The following DGKI variants were observed in gnomAD, a reference collection of about 807,000 sequenced individuals.
DGKI encodes the protein diacylglycerol kinase iota, also known as DAG kinase iota.
In DGKI, 55 loss-of-function variants were observed where a neutral mutation model predicts 147.5. That is an observed-to-expected ratio of 0.37 (90% CI 0.30 to 0.47). DGKI has a LOEUF of 0.47. Among genes scored for constraint, DGKI ranks in the 20% least tolerant of loss-of-function variants. The pLI is 1.00. For missense variants in DGKI, 1,007 were observed against 1,323.8 expected, an observed-to-expected ratio of 0.76 and a Z score of 3.71; for synonymous variants, 469 against 477.1, an observed-to-expected ratio of 0.98 and a Z score of 0.22.
rs139918419 is a variant in DGKI, at chr7:137,840,141, A to G, written c.401+6321T>C. Among the ~76,000 whole-genome samples, 898 of 152,360 alleles carry G rather than the reference A, an allele frequency of 5.9e-3. 8 individuals carry two copies. Among genetic ancestry groups the G allele is most frequent in the African/African-American group, 0.02 (848 of 41,582 alleles). On this transcript the variant is annotated intron_variant, in intron 1 of 32. Coordinates refer to ENST00000614521, the MANE Select transcript of DGKI (RefSeq NM_001321708.2). ...ATGGGTGTCAGGACACTCGTGAGCC[A>G]TTCTTCAAGTGCTCTGTATGGTACA...
At chr7:137,630,749 G>A (rs2129001638) in intron 6 of DGKI, among the ~76,000 whole-genome samples, 1 of 152,146 alleles carries the variant, frequency 6.6e-6, no homozygotes, top group South Asian at 2.1e-4. Context: ...TTTTCAGATA[G>A]TTAGTGCTAT....
intron 23 of DGKI, among the ~76,000 whole-genome samples, chr7:137,481,800 G>A (rs574131199): frequency 1.3e-5 from 2 of 151,972 alleles, no homozygotes; most frequent in Non-Finnish European, 2.9e-5. Context: ...GATTTTTCTG[G>A]TCTTAGAAAA....
chr7:137,407,835 C>T, intron 30 of DGKI, 40 bp downstream of exon 30: 1 of 1,605,450 alleles, frequency 6.2e-7, no homozygotes. Context: ...ATGGATTTCA[C>T]AGGTAAGTGA....
At chr7:137,431,458 C>G (rs1813068922) in intron 28 of DGKI, among the ~76,000 whole-genome samples, 1 of 152,144 alleles carries the variant, frequency 6.6e-6, no homozygotes, top group African/African-American at 2.4e-5. Flanking sequence ...AATGTGGAAG[C>G]TGCCTGCCTG....
chr7:137,571,299 A>T lies in DGKI; in HGVS notation c.1836-13T>A, dbSNP rs750199343. 1 of 1,586,670 alleles carries T rather than the reference A, an allele frequency of 6.3e-7. No individual in the cohort carries two copies. The highest frequency in any genetic ancestry group is 8.6e-7 in the Non-Finnish European group (1 of 1,157,920). On this transcript the variant is annotated splice_polypyrimidine_tract_variant and intron_variant, in intron 18 of 32. Coordinates refer to ENST00000614521, the MANE Select transcript of DGKI (RefSeq NM_001321708.2). ...GCCAGCACAATATCTGCAAGAGAAG[A>T]TTAAAGACAGAAGTAAATATGTCCC...
At chr7:137,803,578 A>G (rs945394080) in intron 1 of DGKI, among the ~76,000 whole-genome samples, 1 of 152,184 alleles carries the variant, frequency 6.6e-6, no homozygotes, top group African/African-American at 2.4e-5. Flanking sequence ...TTTCACATTT[A>G]TATACAGGCA....
At position 137,702,144 on chromosome 7, in the gene DGKI, C is replaced by T. The variant is rs1018648441; in HGVS notation, c.402-12142G>A. On this transcript the variant is annotated intron_variant, in intron 1 of 32. Coordinates refer to ENST00000614521, the MANE Select transcript of DGKI (RefSeq NM_001321708.2). ...CCTATCTCACATTATACAGATAATA[C>T]ATCAAGAAGGATCACAGATAGAAAC... Among the ~76,000 whole-genome samples the T allele has an allele frequency of 3.3e-5, 5 of 152,106 alleles. No individual in the cohort carries two copies. The South Asian group carries it at 1.0e-3, about 32-fold the overall frequency.
intron 28 of DGKI, among the ~76,000 whole-genome samples, chr7:137,437,180 A>T (rs1813318810): frequency 6.6e-6 from 1 of 152,230 alleles, no homozygotes; most frequent in South Asian, 2.1e-4. Context: ...AAATATGTAT[A>T]CAAAGCATAA....
intron 30 of DGKI, among the ~76,000 whole-genome samples, chr7:137,407,120 C>T (rs566304133): frequency 1.3e-5 from 2 of 152,192 alleles, no homozygotes; most frequent in Non-Finnish European, 2.9e-5. Context: ...TCATTTAAAA[C>T]AGACTAGCTA....
intron 5 of DGKI, among the ~76,000 whole-genome samples, chr7:137,652,230 A>G (rs1370548840): frequency 6.6e-6 from 1 of 152,222 alleles, no homozygotes; most frequent in Non-Finnish European, 1.5e-5. Context: ...AGTCCTTGAT[A>G]AGAAGACAAG....
chr7:137,530,195 A>T (rs1439409419), intron 20 of DGKI, among the ~76,000 whole-genome samples: 3 of 152,148 alleles, frequency 2.0e-5, no homozygotes, highest in Non-Finnish European at 4.4e-5. Context: ...TGCATATTAA[A>T]TTCACCTGAC....
In DGKI at chr7:137,779,762, G is replaced by A. The variant is rs146153024; in HGVS notation, c.401+66700C>T. On this transcript the variant is annotated intron_variant, in intron 1 of 32. Coordinates refer to ENST00000614521, the MANE Select transcript of DGKI (RefSeq NM_001321708.2). ...TACTTAAAATAAAGTCTATAAATTCGTCATTATAATAGAGTGGGGAGTGGG... is the reference window on the plus strand; with the variant it reads ...TACTTAAAATAAAGTCTATAAATTCATCATTATAATAGAGTGGGGAGTGGG... Among the ~76,000 whole-genome samples, 705 of 152,196 alleles carry A rather than the reference G, an allele frequency of 4.6e-3. 7 individuals carry two copies. The highest frequency in any genetic ancestry group is 0.016 in the African/African-American group (659 of 41,550).
chr7:137,466,941 T>A lies in DGKI; in HGVS notation c.2445A>T (p.Ala815=), dbSNP rs374672563. 219 of 1,614,150 alleles carry A rather than the reference T, an allele frequency of 1.4e-4. 1 individual carries two copies. In the African/African-American group the frequency reaches 2.7e-3, roughly 20 times the overall value. Residue 815 remains alanine (A), a splice_region_variant and synonymous_variant, in exon 25 of 33, where the codon GCA becomes GCT. Coordinates refer to ENST00000614521, the MANE Select transcript of DGKI (RefSeq NM_001321708.2). ...RLSPRWCFLD[A]TSADRFYRID... ...TTCGATAAAAGCGATCAGCAGAAGT[T>A]GCTAGGGGAAAAAAAATGCAGATGG... is the stretch of plus-strand genomic sequence containing the variant.
In DGKI at chr7:137,390,754, AC is replaced by A. The variant is rs1171350330; in HGVS notation, c.*465del. 6.3e-6 allele frequency: 1 copy of A among 158,730 alleles called. No individual in the cohort carries two copies. Among genetic ancestry groups the A allele is most frequent in the Non-Finnish European group, 1.4e-5 (1 of 71,492 alleles). The allele number at this position is 158,730 out of a possible 1,614,324, so 9.8% of individuals were successfully genotyped here. A position where few individuals can be genotyped will look rare whatever the true frequency, so the allele number is the denominator to read the frequency against. Reference sequence around the variant, plus strand: ...TCAGAAGGTTTTAGAAGGCCTTCAGACAATCTTGTGGTCTTCCAAGACTGAA... The same window carrying A: ...TCAGAAGGTTTTAGAAGGCCTTCAGAAATCTTGTGGTCTTCCAAGACTGAA... On this transcript the variant is annotated 3_prime_UTR_variant, in exon 33 of 33. Coordinates refer to ENST00000614521, the MANE Select transcript of DGKI (RefSeq NM_001321708.2).
At chr7:137,828,000 C>T (rs958518213) in intron 1 of DGKI, among the ~76,000 whole-genome samples, 5 of 152,218 alleles carry the variant, frequency 3.3e-5, no homozygotes, top group Admixed American at 6.5e-5. Flanking sequence ...AGATCCTCCA[C>T]TCTCCACTCA....
chr7:137,638,476 GTGTATA>G (rs1455394364), intron 6 of DGKI, among the ~76,000 whole-genome samples: 2 of 109,288 alleles, frequency 1.8e-5, no homozygotes, highest in African/African-American at 9.4e-5. Context: ...GTATATATGT[GTGTATA>G]TATATACACA....
chr7:137,429,351 T>A (rs1771669094), intron 28 of DGKI, among the ~76,000 whole-genome samples: 1 of 152,226 alleles, frequency 6.6e-6, no homozygotes, highest in Non-Finnish European at 1.5e-5. Flanking sequence ...GCTAGCCATA[T>A]GCAGAAAGCT....
At chr7:137,532,340 G>A (rs908757310) in intron 20 of DGKI, among the ~76,000 whole-genome samples, 67 of 152,042 alleles carry the variant, frequency 4.4e-4, no homozygotes, top group Admixed American at 3.8e-3. Flanking sequence ...GACAATAAGC[G>A]GCATTACATA....
At chr7:137,496,990 C>G (rs896526553) in intron 21 of DGKI, among the ~76,000 whole-genome samples, 1 of 151,602 alleles carries the variant, frequency 6.6e-6, no homozygotes, top group African/African-American at 2.4e-5. Context: ...TTCTGCACAG[C>G]AAGAGAAACT....
Sources: allele counts gnomAD v4.1 joint callset (sites outside exome capture counted in the v4.1 genomes callset), GRCh38; gene constraint gnomAD v4.1.1; transcripts MANE v1.5; gene names NCBI Gene and HGNC (gene_info 2026-07-23, HGNC 2026-07-21).